Variants in ASGR2 observed in about 807,000 individuals in gnomAD.
ASGR2 encodes the protein C-type lectin domain family 4 member H2.
ASGR2 carries 34 observed loss-of-function variants against 32.3 expected under a neutral mutation model. The ratio of observed to expected loss-of-function variants is 1.05; its 90% CI spans 0.80 to 1.40. ASGR2 has a LOEUF of 1.40. Ranked by LOEUF, ASGR2 falls within the 40% of genes most tolerant of loss-of-function variation. The pLI, the probability that ASGR2 is intolerant of heterozygous loss-of-function variation, is 0.00. For missense variants in ASGR2, 385 were observed against 386.4 expected, an observed-to-expected ratio of 1.00 and a Z score of 0.03; for synonymous variants, 143 against 150.0, an observed-to-expected ratio of 0.95 and a Z score of 0.34.
Position 7,114,316 on chromosome 17 carries a change from G to C in ASGR2, c.-70-6C>G, listed in dbSNP as rs1915196655. The C allele has an allele frequency of 6.4e-7, 1 of 1,566,622 alleles. No individual in the cohort carries two copies. The highest frequency in any genetic ancestry group is 1.4e-5 in the African/African-American group (1 of 74,034). ...GGTTGCTCTGAGGGCTGGGGCTGGGGCAGAGGTGCAGATTCACGTGGAGGT... is the reference window on the plus strand; with the variant it reads ...GGTTGCTCTGAGGGCTGGGGCTGGGCCAGAGGTGCAGATTCACGTGGAGGT... On this transcript the variant is annotated splice_region_variant and splice_polypyrimidine_tract_variant and intron_variant, in intron 1 of 8. Transcript: ENST00000691900. The surrounding 1 kb of genome is among the most constrained non-coding windows in gnomAD (Gnocchi z 4.5).
intron 2 of ASGR2, among the ~76,000 whole-genome samples, chr17:7,111,404 C>G (rs1914597982): frequency 6.6e-6 from 1 of 152,166 alleles, no homozygotes; most frequent in African/African-American, 2.4e-5. Context: ...CGCCTGGAAT[C>G]CCAGCACTGT....
intron 2 of ASGR2, among the ~76,000 whole-genome samples, chr17:7,110,535 G>C (rs1911902780): frequency 1.3e-5 from 2 of 152,176 alleles, no homozygotes; most frequent in African/African-American, 4.8e-5. Flanking sequence ...CCACAGGGTA[G>C]CCCAGCTGTG....
Position 7,101,886 on chromosome 17 carries a change from G to A in ASGR2, c.756-146C>T, listed in dbSNP as rs545189669. On this transcript the variant is annotated intron_variant, in intron 8 of 8. Transcript: ENST00000691900. ...TACCCAGTCTGGGGAGAACCCAACC[G>A]CAGAGAAAGATGTTTCCTATGCCCA... 8.4e-6 allele frequency: 10 copies of A among 1,195,126 alleles called. No homozygotes were observed. In the South Asian group the frequency reaches 1.0e-4, roughly 12 times the overall value. The allele number at this position is 1,195,126 out of a possible 1,614,324, so 74.0% of individuals were successfully genotyped here. A position where few individuals can be genotyped will look rare whatever the true frequency, so the allele number is the denominator to read the frequency against.
rs1358849206 is a variant in ASGR2 at position 7,107,976 on chromosome 17, G to A, written c.338-69C>T. 2.5e-6 allele frequency: 4 copies of A among 1,580,276 alleles called. No homozygotes were observed. The highest frequency in any genetic ancestry group is 2.3e-5 in the South Asian group (2 of 88,672). On this transcript the variant is annotated intron_variant, in intron 4 of 8. Coordinates refer to ENST00000691900, the MANE Select transcript of ASGR2 (RefSeq NM_001201352.2). The surrounding 1 kb of genome is among the most constrained non-coding windows in gnomAD (Gnocchi z 5.0). ...GTCCTCATGCTGCTGGGGGACCGGG[G>A]GCCAGCGCCTCGTCCTGGGCGATGC...
In ASGR2 at chr17:7,109,526, G is replaced by A. The variant is rs573717418; in HGVS notation, c.125-638C>T. ...GTTGTCCTCATCCCCCACCACGCAA[G>A]GCCTCCTCCCCAGCGCCCTTTGCCC... On this transcript the variant is annotated intron_variant, in intron 2 of 8. Coordinates refer to ENST00000691900, the MANE Select transcript of ASGR2 (RefSeq NM_001201352.2). Among the ~76,000 whole-genome samples, 5 of 152,074 alleles carry A rather than the reference G, an allele frequency of 3.3e-5. No homozygotes were observed. The East Asian group carries it at 9.7e-4, about 29-fold the overall frequency.
At position 7,114,152 on chromosome 17, in the gene ASGR2, C is replaced by T. The variant is rs1293336444; in HGVS notation, c.89G>A (p.Arg30Lys). The T allele has an allele frequency of 6.2e-7, 1 of 1,614,242 alleles. No homozygotes were observed. The highest frequency in any genetic ancestry group is 2.2e-5 in the East Asian group (1 of 44,896). ...FHQGEGPGTRRLNPRRGNPFL... is the reference protein window; with the variant it reads ...FHQGEGPGTRKLNPRRGNPFL... Reference sequence around the variant, plus strand: ...TGGATTTCCTCTCCTGGGATTCAGCCTGCGAGTGCCTGGCCCCTCACCTTG... The same window carrying T: ...TGGATTTCCTCTCCTGGGATTCAGCTTGCGAGTGCCTGGCCCCTCACCTTG... Residue 30 changes from arginine to lysine, a missense_variant, in exon 2 of 9, where the codon AGG (arginine) becomes AAG (lysine). Arg to Lys is a conservative substitution (Grantham distance 26). Transcript: ENST00000691900. The surrounding 1 kb of genome is among the most constrained non-coding windows in gnomAD (Gnocchi z 4.5).
chr17:7,104,975 C>G (rs892348937), intron 7 of ASGR2, among the ~76,000 whole-genome samples: 4 of 127,822 alleles, frequency 3.1e-5, no homozygotes, highest in South Asian at 2.5e-4. Context: ...GACTCCATCT[C>G]AAAAAAAAAA....
At position 7,107,269 on chromosome 17, in the gene ASGR2, C is replaced by T. The variant is rs200495040; in HGVS notation, c.458G>A (p.Arg153His). ...GAGCTCCATCTGGCAGGCCACGAAG[C>T]GCAGGTCCACGGGGAAGTGCTTCAG... is the stretch of plus-strand genomic sequence containing the variant. The part of the protein sequence containing the change: ...FHLKHFPVDL[R>H]FVACQMELLH... The change falls in exon 6 of 9, where the codon CGC (arginine) becomes CAC (histidine). Residue 153 changes from arginine (R) to histidine (H), a missense_variant. By Grantham distance (29) the Arg-to-His change is conservative (BLOSUM62 0). Transcript: ENST00000691900. This position sits in a 1 kb window ranked among gnomAD's most constrained non-coding sequence, Gnocchi z 5.0. 6.4e-5 allele frequency: 103 copies of T among 1,613,946 alleles called. No homozygotes were observed. The highest frequency in any genetic ancestry group is 7.2e-5 in the Non-Finnish European group (85 of 1,180,034).
At position 7,103,742 on chromosome 17, in the gene ASGR2, C is replaced by A. The variant is rs1386866252; in HGVS notation, c.649-1546G>T. ...GTGAAAAATAGACTTTGAAAAGAAG[C>A]CTTGTTTCGGAATATGAGGGGATGT... On this transcript the variant is annotated intron_variant, in intron 7 of 8. Transcript: ENST00000691900. 3.3e-5 allele frequency among the ~76,000 whole-genome samples: 5 copies of A among 152,132 alleles called. 1 individual carries two copies. The East Asian group carries it at 9.6e-4, about 29-fold the overall frequency.
intron 7 of ASGR2, among the ~76,000 whole-genome samples, chr17:7,104,001 T>TAA (rs71157244): frequency 2.9e-4 from 39 of 133,992 alleles, no homozygotes; most frequent in African/African-American, 7.7e-4. Flanking sequence ...AAAGAAGATA[T>TAA]AAAAAAAAAA....
chr17:7,108,005 C>T lies in ASGR2; in HGVS notation c.338-98G>A, dbSNP rs1914085277. 12 of 1,396,460 alleles carry T rather than the reference C, an allele frequency of 8.6e-6. No individual in the cohort carries two copies. The South Asian group carries it at 1.3e-4, about 15-fold the overall frequency. 86.5% of individuals were successfully genotyped at this position (1,396,460 alleles called of 1,614,324 possible). On this transcript the variant is annotated intron_variant, in intron 4 of 8. Coordinates refer to ENST00000691900, the MANE Select transcript of ASGR2 (RefSeq NM_001201352.2). This position sits in a 1 kb window ranked among gnomAD's most constrained non-coding sequence, Gnocchi z 4.9. ...AGCGCCTCGTCCTGGGCGATGCAGG[C>T]GTCCACCTCCTGGCTTCCTGGACCA...
intron 2 of ASGR2, among the ~76,000 whole-genome samples, chr17:7,111,537 T>TC (rs1237822022): frequency 1.3e-5 from 2 of 151,548 alleles, no homozygotes; most frequent in African/African-American, 2.4e-5. Context: ...GCGCCTGTAG[T>TC]CCCAGCTACT....
At position 7,113,543 on chromosome 17, in the gene ASGR2, C is replaced by T. The variant is rs1292251750; in HGVS notation, c.124+574G>A. ...CACACAACATACACACACTCATACA[C>T]AACATACATACACACAACATACACA... is the stretch of plus-strand genomic sequence containing the variant. On this transcript the variant is annotated intron_variant, in intron 2 of 8. Coordinates refer to ENST00000691900, the MANE Select transcript of ASGR2 (RefSeq NM_001201352.2). The surrounding 1 kb of genome is among the most constrained non-coding windows in gnomAD (Gnocchi z 5.1). Among the ~76,000 whole-genome samples, 3 of 92,288 alleles carry T rather than the reference C, an allele frequency of 3.3e-5. No homozygotes were observed. Among genetic ancestry groups the T allele is most frequent in the Non-Finnish European group, 7.2e-5 (3 of 41,654 alleles). The allele number at this position is 92,288 out of a possible 152,430, so 60.5% of individuals were successfully genotyped here.
intron 7 of ASGR2, among the ~76,000 whole-genome samples, chr17:7,103,887 C>T (rs1279346682): frequency 1.3e-5 from 2 of 151,934 alleles, no homozygotes; most frequent in East Asian, 1.9e-4. Flanking sequence ...CCCATTAACT[C>T]GTCATTTAAC....
At position 7,102,694 on chromosome 17, in the gene ASGR2, C is replaced by G. The variant is rs192273630; in HGVS notation, c.649-498G>C. 5.9e-5 allele frequency among the ~76,000 whole-genome samples: 9 copies of G among 152,328 alleles called. 1 individual carries two copies. The East Asian group carries it at 1.5e-3, about 26-fold the overall frequency. ...CCCAGACCCCAGACCCACTGAAGAT[C>G]TCAGTTTCACTGGCCTCTCAAGTAC... is the stretch of plus-strand genomic sequence containing the variant. On this transcript the variant is annotated intron_variant, in intron 7 of 8. Coordinates refer to ENST00000691900, the MANE Select transcript of ASGR2 (RefSeq NM_001201352.2).
In ASGR2 at chr17:7,108,048, C is replaced by T; in HGVS notation, c.338-141G>A. ...CTGGACCACACCCAGGCTCCCTGCA[C>T]TGCCACAGTGGCTCAGGCCACTCTC... is the stretch of plus-strand genomic sequence containing the variant. On this transcript the variant is annotated intron_variant, in intron 4 of 8. Transcript: ENST00000691900. The surrounding 1 kb of genome is among the most constrained non-coding windows in gnomAD (Gnocchi z 4.9). 2.3e-6 allele frequency: 2 copies of T among 856,058 alleles called. No individual in the cohort carries two copies. Among genetic ancestry groups the T allele is most frequent in the Non-Finnish European group, 3.6e-6 (2 of 550,204 alleles). 53.0% of individuals were successfully genotyped at this position (856,058 alleles called of 1,614,324 possible).
At chr17:7,103,308 T>C (rs1015028251) in intron 7 of ASGR2, among the ~76,000 whole-genome samples, 2 of 152,176 alleles carry the variant, frequency 1.3e-5, no homozygotes, top group Non-Finnish European at 2.9e-5. Context: ...TAGGACAAAG[T>C]CCCATGCATG....
chr17:7,114,995 G>C (rs774984382), upstream of ASGR2: 51 of 985,634 alleles, frequency 5.2e-5, no homozygotes, highest in Non-Finnish European at 5.8e-5. This position sits in a 1 kb window ranked among gnomAD's most constrained non-coding sequence, Gnocchi z 4.5. Flanking sequence ...GAGGGGCTGG[G>C]GTGCAGTTTG....
upstream of ASGR2, chr17:7,115,030 C>G (rs1197889904): frequency 1.0e-6 from 1 of 984,212 alleles, no homozygotes; most frequent in Non-Finnish European, 1.2e-6. This position sits in a 1 kb window ranked among gnomAD's most constrained non-coding sequence, Gnocchi z 4.2. Context: ...CCCTCCCCCT[C>G]TCACTTCCTG....
Sources: gnomAD v4.1 joint callset for allele counts (sites outside exome capture counted in the v4.1 genomes callset) on GRCh38, gnomAD v4.1.1 for gene constraint, Gnocchi (gnomAD v3.1) non-coding constraint, MANE v1.5 for transcripts, NCBI Gene and HGNC (gene_info 2026-07-23, HGNC 2026-07-21) for gene names.